The following POLR1D variants were observed in gnomAD, a reference collection of about 807,000 sequenced individuals.
POLR1D encodes RNA polymerase I and III subunit D.
A neutral mutation model predicts 10.8 loss-of-function variants in POLR1D; 8 were observed. That is an observed-to-expected ratio of 0.74 (90% CI 0.43 to 1.33). POLR1D has a LOEUF of 1.33. Ranked by LOEUF, POLR1D falls within the 40% of genes most tolerant of loss-of-function variation. The pLI is 0.01. For synonymous variants in POLR1D, 54 were observed against 57.2 expected (o/e 0.94, Z 0.25); for missense variants, 152 against 161.7 (o/e 0.94, Z 0.32).
chr13:27,647,693 A>G (rs552300957), intron 1 of POLR1D, among the ~76,000 whole-genome samples: 2 of 152,212 alleles, frequency 1.3e-5, no homozygotes, highest in African/African-American at 4.8e-5. Flanking sequence ...ACATATGTGG[A>G]TATGTTATGA....
chr13:27,657,104 G>A (rs1268545269), intron 2 of POLR1D, among the ~76,000 whole-genome samples: 2 of 152,194 alleles, frequency 1.3e-5, no homozygotes, highest in African/African-American at 4.8e-5. Flanking sequence ...AGCATGAGAA[G>A]CAGGGAATGC....
chr13:27,643,220 A>G (rs1216973334), intron 1 of POLR1D, among the ~76,000 whole-genome samples: 1 of 152,218 alleles, frequency 6.6e-6, no homozygotes, highest in Non-Finnish European at 1.5e-5. Flanking sequence ...CGTAATGTAG[A>G]TTAGCTGAAT....
intron 1 of POLR1D, among the ~76,000 whole-genome samples, chr13:27,632,107 C>G (rs1018229933): frequency 6.6e-6 from 1 of 152,330 alleles, no homozygotes; most frequent in Middle Eastern, 3.4e-3. Flanking sequence ...TCTAACACTA[C>G]TATCTTCACC....
At chr13:27,630,056 C>T (rs1280927938) in intron 1 of POLR1D, among the ~76,000 whole-genome samples, 1 of 152,106 alleles carries the variant, frequency 6.6e-6, no homozygotes, top group Admixed American at 6.5e-5. Flanking sequence ...GGACTACAGG[C>T]ACCCGCCACC....
At chr13:27,654,282 A>T (rs571642197) in intron 2 of POLR1D, among the ~76,000 whole-genome samples, 10 of 152,300 alleles carry the variant, frequency 6.6e-5, no homozygotes, top group African/African-American at 2.4e-4. Context: ...CCTTGGCTGG[A>T]TCTTCTACTT....
At chr13:27,624,820 T>G (rs976129927), downstream of POLR1D, among the ~76,000 whole-genome samples, 1 of 152,088 alleles carries the variant, frequency 6.6e-6, no homozygotes, top group Non-Finnish European at 1.5e-5. Flanking sequence ...CCTAGGAGGT[T>G]GAGGCTGCAA....
At chr13:27,637,603 T>C (rs972142593) in intron 1 of POLR1D, among the ~76,000 whole-genome samples, 1 of 152,158 alleles carries the variant, frequency 6.6e-6, no homozygotes, top group Admixed American at 6.5e-5. Flanking sequence ...TACTCCTTTA[T>C]ATAAATATGG....
chr13:27,650,049 CA>C, intron 2 of POLR1D: 2 of 398,432 alleles, frequency 5.0e-6, no homozygotes, highest in Non-Finnish European at 8.9e-6. Context: ...CAGCTTATTA[CA>C]GGGACAAGAT....
chr13:27,627,179 T>C (rs1956019774), downstream of POLR1D, among the ~76,000 whole-genome samples: 1 of 152,196 alleles, frequency 6.6e-6, no homozygotes, highest in Admixed American at 6.5e-5. Context: ...CAAGTACTTA[T>C]TAAGACCCCC....
At chr13:27,653,223 C>T (rs1425400984) in intron 2 of POLR1D, among the ~76,000 whole-genome samples, 1 of 152,030 alleles carries the variant, frequency 6.6e-6, no homozygotes, top group Non-Finnish European at 1.5e-5. Context: ...TCTTCATGTA[C>T]CCCATTGGCC....
upstream of POLR1D, chr13:27,620,966 G>GGACA (rs1403914067): frequency 6.5e-6 from 1 of 153,074 alleles, no homozygotes; most frequent in Non-Finnish European, 1.5e-5. Context: ...TAGTTGCGCT[G>GGACA]GACAGCTGGA....
chr13:27,655,273 T>G (rs1169623109), intron 2 of POLR1D, among the ~76,000 whole-genome samples: 1 of 152,270 alleles, frequency 6.6e-6, no homozygotes, highest in African/African-American at 2.4e-5. Flanking sequence ...CATATAATTC[T>G]TGGCTGAACC....
rs113105826 is a variant in POLR1D at position 27,622,698 on chromosome 13, A to T, written c.27-177A>T. On this transcript the variant is annotated intron_variant, in intron 1 of 1. Coordinates refer to ENST00000302979, the MANE Select transcript of POLR1D (RefSeq NM_015972.4). ...ATGGAGCAGGGAAAAACTGGAGGCAATAAATTAAATATTTATTGATAGAGT... is the reference window on the plus strand; with the variant it reads ...ATGGAGCAGGGAAAAACTGGAGGCATTAAATTAAATATTTATTGATAGAGT... The T allele has an allele frequency of 2.1e-3, 1,273 of 594,968 alleles. 5 individuals carry two copies. Among genetic ancestry groups the T allele is most frequent in the African/African-American group, 0.017 (932 of 53,758 alleles). The allele number at this position is 594,968 out of a possible 1,614,324, so 36.9% of individuals were successfully genotyped here.
At position 27,664,470 on chromosome 13, in the gene POLR1D, A is replaced by G. The variant is rs150056427; in HGVS notation, c.102-1216A>G. Reference sequence around the variant, plus strand: ...CCTTTTCTAAGTTTCTCCTTGTTCTAGTTCATTCCTTTGTCACTTTTCTGG... The same window carrying G: ...CCTTTTCTAAGTTTCTCCTTGTTCTGGTTCATTCCTTTGTCACTTTTCTGG... On this transcript the variant is annotated intron_variant, in intron 2 of 2. Transcript: ENST00000399697. Among the ~76,000 whole-genome samples, 80 of 152,132 alleles carry G rather than the reference A, an allele frequency of 5.3e-4. 1 individual carries two copies. In the East Asian group the frequency reaches 0.015, roughly 29 times the overall value.
chr13:27,637,478 T>A (rs1480547742), intron 1 of POLR1D, among the ~76,000 whole-genome samples: 1 of 152,240 alleles, frequency 6.6e-6, no homozygotes. Flanking sequence ...TTGGCTGACT[T>A]GTTCAGTGGA....
At chr13:27,632,150 C>G (rs1277196988) in intron 1 of POLR1D, among the ~76,000 whole-genome samples, 1 of 152,140 alleles carries the variant, frequency 6.6e-6, no homozygotes, top group Non-Finnish European at 1.5e-5. Context: ...GTTGTCTTGT[C>G]TATTGGTTTA....
exon 3 of POLR1D, chr13:27,665,798 C>T (rs774756578): frequency 6.2e-7 from 1 of 1,614,090 alleles, no homozygotes; most frequent in Non-Finnish European, 8.5e-7. Context: ...CGATAAGGAA[C>T]CAGCGAAGAG....
downstream of POLR1D, among the ~76,000 whole-genome samples, chr13:27,627,883 CAAAA>C (rs3081352): frequency 6.7e-6 from 1 of 150,328 alleles, no homozygotes; most frequent in Admixed American, 6.6e-5. Flanking sequence ...AGGATGGATA[CAAAA>C]AAAAAATGCT....
downstream of POLR1D, among the ~76,000 whole-genome samples, chr13:27,625,105 A>G (rs1202945039): frequency 2.0e-5 from 3 of 152,184 alleles, no homozygotes; most frequent in Admixed American, 1.3e-4. Flanking sequence ...AACTGGTGGC[A>G]TGAGGAACTG....
Sources: gnomAD v4.1 joint callset for allele counts (sites outside exome capture counted in the v4.1 genomes callset) on GRCh38, gnomAD v4.1.1 for gene constraint, MANE v1.5 for transcripts, NCBI Gene and HGNC (gene_info 2026-07-23, HGNC 2026-07-21) for gene names.